Variants in RGPD1 observed in about 807,000 individuals in gnomAD.
RGPD1 encodes RANBP2 like and GRIP domain containing 1, also known as RANBP2-like and GRIP domain-containing protein 1.
Under a neutral mutation model 40.6 loss-of-function variants are expected in RGPD1, and 7 were observed. The observed-to-expected ratio is 0.17, with a 90% CI of 0.10 to 0.32. The LOEUF (loss-of-function observed/expected upper bound fraction) is 0.32. Among genes scored for constraint, RGPD1 ranks in the 10% least tolerant of loss-of-function variants. The pLI, the probability that RGPD1 is intolerant of heterozygous loss-of-function variation, is 1.00. For synonymous variants in RGPD1, 24 were observed against 167.0 expected (o/e 0.14, Z 6.60); for missense variants, 50 against 472.5 (o/e 0.11, Z 8.29).
At chr2:86,945,444 A>T (rs368907066) in intron 1 of RGPD1, among the ~76,000 whole-genome samples, 1 of 151,294 alleles carries the variant, frequency 6.6e-6, no homozygotes, top group Non-Finnish European at 1.5e-5. Context: ...AAAGAGGTTA[A>T]TATTCTCCCC....
At chr2:86,928,745 T>G (rs556955720) in intron 1 of RGPD1, among the ~76,000 whole-genome samples, 1 of 152,318 alleles carries the variant, frequency 6.6e-6, no homozygotes, top group African/African-American at 2.4e-5. Context: ...CAGGCACCAT[T>G]CATGAGGTAT....
chr2:86,962,466 C>T (rs1680981417), intron 6 of RGPD1, among the ~76,000 whole-genome samples: 1 of 105,106 alleles, frequency 9.5e-6, no homozygotes, highest in South Asian at 2.8e-4. Context: ...TTAGATTGTG[C>T]CATTACACTC....
At chr2:86,971,199 T>C (rs1178396375) in intron 8 of RGPD1, among the ~76,000 whole-genome samples, 2 of 59,188 alleles carry the variant, frequency 3.4e-5, no homozygotes, top group East Asian at 1.1e-3. Context: ...CAGGGCCGGC[T>C]AATTTTTTTT....
rs1681463398 is a variant in RGPD1, at chr2:86,986,547, AG to A, written c.3650del (p.Gly1217ValfsTer12). 13 of 385,656 alleles carry A rather than the reference AG, an allele frequency of 3.4e-5. No homozygotes were observed. The East Asian group carries it at 5.1e-4, about 15-fold the overall frequency. The allele number at this position is 385,656 out of a possible 1,614,324, so 23.9% of individuals were successfully genotyped here. On this transcript the variant is annotated frameshift_variant, in exon 20 of 23. Coordinates refer to ENST00000641458, the MANE Select transcript of RGPD1 (RefSeq NM_001382344.1). LOFTEE classifies it high-confidence loss of function. ...TCACTGAGGAAGAAAATAAGGGTTCAGGTACAGGTGCAGCCGGTGCCTCAGA... is the reference window on the plus strand; with the variant it reads ...TCACTGAGGAAGAAAATAAGGGTTCAGTACAGGTGCAGCCGGTGCCTCAGA... ...KVTEEENKGS[G>X]TGAAGASDTT...
chr2:86,941,955 G>A (rs949053330), upstream of RGPD1, among the ~76,000 whole-genome samples: 3 of 151,686 alleles, frequency 2.0e-5, no homozygotes, highest in Non-Finnish European at 4.4e-5. Context: ...CAGGTGATCC[G>A]CCCGCCTCGG....
chr2:86,915,456 C>T (rs1445462821), intron 1 of RGPD1, among the ~76,000 whole-genome samples: 8 of 125,560 alleles, frequency 6.4e-5, no homozygotes, highest in African/African-American at 2.2e-4. Context: ...TATGATAAGC[C>T]TAAGCAAAAT....
At chr2:86,924,476 C>G (rs1678309707) in intron 1 of RGPD1, among the ~76,000 whole-genome samples, 3 of 148,760 alleles carry the variant, frequency 2.0e-5, no homozygotes, top group Admixed American at 2.0e-4. Flanking sequence ...ATTTTCATTT[C>G]TTTTTTAAGA....
chr2:86,931,722 G>A (rs1261287807), intron 1 of RGPD1, among the ~76,000 whole-genome samples: 1 of 151,354 alleles, frequency 6.6e-6, no homozygotes, highest in Admixed American at 6.6e-5. Context: ...CAAGTTCCAA[G>A]TAGTTTCTAA....
intron 1 of RGPD1, chr2:86,930,668 T>G (rs1678879289): frequency 6.2e-7 from 1 of 1,610,468 alleles, no homozygotes; most frequent in Admixed American, 1.7e-5. Flanking sequence ...TGTTCACTCC[T>G]GGGCACAGCT....
intron 1 of RGPD1, among the ~76,000 whole-genome samples, chr2:86,944,319 G>C (rs1220484171): frequency 6.6e-6 from 1 of 152,060 alleles, no homozygotes. Flanking sequence ...TGCTAGCATA[G>C]TATAAATATG....
intron 1 of RGPD1, among the ~76,000 whole-genome samples, chr2:86,914,178 CCGGACGGCGGCGGCGGCCT>C (rs1398734698): frequency 8.7e-5 from 4 of 46,042 alleles, no homozygotes; most frequent in Non-Finnish European, 1.3e-4. Flanking sequence ...CTCGGCCTGG[CCGGACGGCGGCGGCGGCCT>C]CGGCCTGGCC....
chr2:86,942,657 GGGC>G (rs1177385573), intron 1 of RGPD1, among the ~76,000 whole-genome samples: 13 of 131,200 alleles, frequency 9.9e-5, no homozygotes, highest in African/African-American at 2.8e-4. Context: ...CGACCTGGCC[GGGC>G]GGCGGCGGCG....
chr2:86,936,011 T>A (rs1228059882), intron 1 of RGPD1, among the ~76,000 whole-genome samples: 5 of 78,542 alleles, frequency 6.4e-5, no homozygotes, highest in South Asian at 9.4e-4. Flanking sequence ...GGAAAAAAAA[T>A]TTTTTTTTTT....
At chr2:86,945,068 C>G (rs1680248263) in intron 1 of RGPD1, among the ~76,000 whole-genome samples, 1 of 150,880 alleles carries the variant, frequency 6.6e-6, no homozygotes, top group Non-Finnish European at 1.5e-5. Flanking sequence ...TGTTTAGAGC[C>G]TTTCTGAGAT....
intron 1 of RGPD1, among the ~76,000 whole-genome samples, chr2:86,926,851 C>T (rs1211755120): frequency 1.3e-5 from 2 of 151,648 alleles, no homozygotes; most frequent in Non-Finnish European, 2.9e-5. Context: ...TATTATTTTC[C>T]TACTTGCAAT....
chr2:86,944,730 CAAG>C (rs1417917167), intron 1 of RGPD1, among the ~76,000 whole-genome samples: 1 of 151,884 alleles, frequency 6.6e-6, no homozygotes, highest in Non-Finnish European at 1.5e-5. Context: ...ATTTTTGAGA[CAAG>C]GTCTCTTTCT....
chr2:86,944,387 T>C lies in RGPD1; in HGVS notation c.72+2079T>C, dbSNP rs1430256233. ...TTGAGGGTTCCTGTAACTCCTGAAA[T>C]TAAAGACTTTAATTTTTGTGTTATT... On this transcript the variant is annotated intron_variant, in intron 1 of 22. Coordinates refer to ENST00000641458, the MANE Select transcript of RGPD1 (RefSeq NM_001382344.1). Among the ~76,000 whole-genome samples, 4 of 152,050 alleles carry C rather than the reference T, an allele frequency of 2.6e-5. No homozygotes were observed. The East Asian group carries it at 5.8e-4, about 22-fold the overall frequency.
intron 1 of RGPD1, among the ~76,000 whole-genome samples, chr2:86,945,518 G>T (rs577440542): frequency 6.6e-6 from 1 of 152,312 alleles, no homozygotes; most frequent in African/African-American, 2.4e-5. Context: ...GAGTTTTGGA[G>T]TGTGATGATG....
chr2:86,929,969 G>A (rs1241417257), intron 1 of RGPD1, among the ~76,000 whole-genome samples: 1 of 142,512 alleles, frequency 7.0e-6, no homozygotes, highest in African/African-American at 2.5e-5. Context: ...AGCCCCATGG[G>A]AAAGACCTGC....
Sources: allele counts gnomAD v4.1 joint callset (sites outside exome capture counted in the v4.1 genomes callset), GRCh38; gene constraint gnomAD v4.1.1; transcripts MANE v1.5; gene names NCBI Gene and HGNC (gene_info 2026-07-23, HGNC 2026-07-21).